Variants in LCORL observed in about 807,000 individuals in gnomAD.
LCORL encodes the protein ligand-dependent nuclear receptor corepressor-like protein.
Under a neutral mutation model 141.8 loss-of-function variants are expected in LCORL, and 41 were observed. The observed-to-expected ratio is 0.29, with a 90% CI of 0.23 to 0.38. LCORL has a LOEUF of 0.38. Among genes scored for constraint, LCORL ranks in the 10% least tolerant of loss-of-function variants. The pLI is 1.00. For synonymous variants in LCORL, 618 were observed against 694.1 expected (o/e 0.89, Z 1.72); for missense variants, 1,759 against 2,035.0 (o/e 0.86, Z 2.61).
chr4:18,012,707 TAA>T (rs1723996565), intron 1 of LCORL, among the ~76,000 whole-genome samples: 1 of 152,170 alleles, frequency 6.6e-6, no homozygotes, highest in Admixed American at 6.5e-5. Context: ...GAATCCATAC[TAA>T]GAGATTAAAA....
chr4:17,937,708 C>T (rs6840868), intron 4 of LCORL, among the ~76,000 whole-genome samples: 36,981 of 151,948 alleles, frequency 0.24, 5,859 homozygotes, highest in African/African-American at 0.45. Flanking sequence ...CTAAGAGGTA[C>T]AGTTAAGCCA....
intron 7 of LCORL, among the ~76,000 whole-genome samples, chr4:17,851,626 C>T (rs184593761): frequency 6.6e-6 from 1 of 152,196 alleles, no homozygotes; most frequent in Non-Finnish European, 1.5e-5. Context: ...CTGTTTTAAT[C>T]TATTGCATAA....
At chr4:17,922,684 G>A (rs1393525342) in intron 4 of LCORL, among the ~76,000 whole-genome samples, 1 of 152,134 alleles carries the variant, frequency 6.6e-6, no homozygotes, top group Non-Finnish European at 1.5e-5. Context: ...TTCAACAAAA[G>A]GTGCACACAC....
exon 7 of LCORL, chr4:17,875,251 G>C (rs1726793608): frequency 2.4e-6 from 3 of 1,231,518 alleles, no homozygotes; most frequent in East Asian, 6.3e-5. Context: ...GGTCTACCAG[G>C]CTTCCTACTT....
intron 4 of LCORL, among the ~76,000 whole-genome samples, chr4:17,932,111 G>A (rs1421494320): frequency 6.6e-6 from 1 of 151,984 alleles, no homozygotes; most frequent in East Asian, 1.9e-4. Flanking sequence ...TTTTCAATTT[G>A]CCGTCCATAC....
At chr4:17,984,804 T>C (rs1287359480) in intron 1 of LCORL, among the ~76,000 whole-genome samples, 3 of 152,120 alleles carry the variant, frequency 2.0e-5, no homozygotes, top group Admixed American at 1.3e-4. Flanking sequence ...TCTGCTAACT[T>C]TGGGGTTAGT....
intron 5 of LCORL, among the ~76,000 whole-genome samples, chr4:17,904,131 T>C (rs144655651): frequency 2.7e-4 from 41 of 152,148 alleles, no homozygotes; most frequent in African/African-American, 9.9e-4. Flanking sequence ...TTTTGGTAAA[T>C]ACTTATTCAC....
rs911518427 is a variant in LCORL at position 18,021,399 on chromosome 4, G to A, written c.154+199C>T. On this transcript the variant is annotated intron_variant, in intron 1 of 7. Transcript: ENST00000635767. The surrounding 1 kb of genome is among the most constrained non-coding windows in gnomAD (Gnocchi z 5.5). ...GAGCCCAAGAGCTGGGAAGGCGAAGGAGCGCGGACCGCGCCGGGCCAGCAG... is the reference window on the plus strand; with the variant it reads ...GAGCCCAAGAGCTGGGAAGGCGAAGAAGCGCGGACCGCGCCGGGCCAGCAG... 6.6e-6 allele frequency among the ~76,000 whole-genome samples: 1 copy of A among 152,124 alleles called. No individual in the cohort carries two copies. Among genetic ancestry groups the A allele is most frequent in the East Asian group, 1.9e-4 (1 of 5,158 alleles).
chr4:17,963,112 C>T, intron 2 of LCORL, 63 bp from the exon 3 acceptor site: 3 of 837,110 alleles, frequency 3.6e-6, no homozygotes, highest in Non-Finnish European at 5.7e-6. Flanking sequence ...AAAATTACCA[C>T]TCTCCACAGC....
intron 1 of LCORL, among the ~76,000 whole-genome samples, chr4:18,003,578 A>C (rs577459951): frequency 1.3e-5 from 2 of 152,340 alleles, no homozygotes; most frequent in East Asian, 3.9e-4. Flanking sequence ...AGTAATGGCA[A>C]AATATCCTAA....
At chr4:17,955,607 A>C (rs1240958933) in intron 4 of LCORL, among the ~76,000 whole-genome samples, 1 of 152,046 alleles carries the variant, frequency 6.6e-6, no homozygotes, top group East Asian at 1.9e-4. Flanking sequence ...TAGTCGGTGG[A>C]GGTTTGAGGA....
At chr4:17,934,631 C>CT (rs1266093056) in intron 4 of LCORL, among the ~76,000 whole-genome samples, 1 of 152,200 alleles carries the variant, frequency 6.6e-6, no homozygotes, top group Admixed American at 6.5e-5. Flanking sequence ...ACAAATTTAG[C>CT]TGCAAGTTTT....
chr4:17,915,957 GC>G (rs948050168), intron 4 of LCORL, among the ~76,000 whole-genome samples: 17 of 152,178 alleles, frequency 1.1e-4, no homozygotes, highest in African/African-American at 4.1e-4. Flanking sequence ...CAACCCAACT[GC>G]CCCCACAGAC....
At chr4:17,868,398 G>A (rs1725935671) in intron 7 of LCORL, among the ~76,000 whole-genome samples, 1 of 151,828 alleles carries the variant, frequency 6.6e-6, no homozygotes, top group African/African-American at 2.4e-5. Flanking sequence ...GTTTTAGGAT[G>A]GCTACTATTA....
intron 4 of LCORL, among the ~76,000 whole-genome samples, chr4:17,953,697 T>C (rs1711948059): frequency 6.6e-6 from 1 of 152,206 alleles, no homozygotes; most frequent in Non-Finnish European, 1.5e-5. Context: ...CTGAAAACAT[T>C]TCTTTTCTAA....
intron 1 of LCORL, among the ~76,000 whole-genome samples, chr4:17,992,993 G>A (rs1466019985): frequency 6.6e-6 from 1 of 152,142 alleles, no homozygotes; most frequent in Admixed American, 6.6e-5. Context: ...ATGCCCAAGT[G>A]GAGTCTTAAT....
At chr4:17,845,496 C>G in exon 8 of LCORL, 1 of 378,938 alleles carries the variant, frequency 2.6e-6, no homozygotes, top group Non-Finnish European at 4.7e-6. Context: ...CACATAATAC[C>G]ACTAAAAGAG....
At chr4:18,012,221 A>G (rs1482332092) in intron 1 of LCORL, among the ~76,000 whole-genome samples, 1 of 152,200 alleles carries the variant, frequency 6.6e-6, no homozygotes, top group African/African-American at 2.4e-5. Flanking sequence ...TAATGTTTTA[A>G]AAGTCATTTT....
chr4:17,959,659 C>T (rs1390149421), intron 4 of LCORL, among the ~76,000 whole-genome samples: 1 of 151,910 alleles, frequency 6.6e-6, no homozygotes, highest in Admixed American at 6.6e-5. Flanking sequence ...AAATTAGTTA[C>T]CATAAGGATA....
Sources: gnomAD v4.1 joint callset for allele counts (sites outside exome capture counted in the v4.1 genomes callset) on GRCh38, gnomAD v4.1.1 for gene constraint, Gnocchi (gnomAD v3.1) non-coding constraint, MANE v1.5 for transcripts, NCBI Gene and HGNC (gene_info 2026-07-23, HGNC 2026-07-21) for gene names.